The following PTGER4 variants were observed in gnomAD, a reference collection of about 807,000 sequenced individuals.
PTGER4 encodes the protein prostaglandin E2 receptor EP4 subtype.
In PTGER4, 11 loss-of-function variants were observed where a neutral mutation model predicts 33.2. The ratio of observed to expected loss-of-function variants is 0.33; its 90% CI spans 0.21 to 0.55. PTGER4 has a LOEUF of 0.55. PTGER4 is among the 20% of genes least tolerant of loss of function. The probability of loss-of-function intolerance (pLI) is 0.92; values close to 1 mark genes in which losing one functional copy is unlikely to be tolerated. For synonymous variants in PTGER4, 275 were observed against 281.5 expected (o/e 0.98, Z 0.23); for missense variants, 481 against 650.2 (o/e 0.74, Z 2.83).
chr5:40,691,901 C>T lies in PTGER4; in HGVS notation c.990C>T (p.Ile330=), dbSNP rs529208213. ...CCATCCTAGACCCCTGGATATATATCCTCCTGAGAAAGACAGTGCTCAGTA... is the reference window on the plus strand; with the variant it reads ...CCATCCTAGACCCCTGGATATATATTCTCCTGAGAAAGACAGTGCTCAGTA... ...VNPILDPWIY[I]LLRKTVLSKA... is the part of the protein sequence containing the mutation. The change falls in exon 3 of 3, where the codon ATC becomes ATT. Residue 330 remains isoleucine, a synonymous_variant. Transcript: ENST00000302472. This position sits in a 1 kb window ranked among gnomAD's most constrained non-coding sequence, Gnocchi z 4.2. 2.8e-5 allele frequency: 46 copies of T among 1,614,122 alleles called. No homozygotes were observed. The highest frequency in any genetic ancestry group is 2.5e-5 in the Non-Finnish European group (30 of 1,180,056).
the PTGER4 span, chr5:40,714,839 A>C: frequency 6.6e-6 from 1 of 152,280 alleles, no homozygotes; most frequent in East Asian, 1.9e-4. Flanking sequence ...CTTTAACATA[A>C]AGTGGGCTAC....
At chr5:40,696,720 C>A, downstream of PTGER4, 1 of 981,208 alleles carries the variant, frequency 1.0e-6, no homozygotes, top group Non-Finnish European at 1.2e-6. Flanking sequence ...TTCCTAAGAA[C>A]GTTTAACCAC....
At chr5:40,706,743 A>C in the PTGER4 span, among the ~76,000 whole-genome samples, 1 of 152,058 alleles carries the variant, frequency 6.6e-6, no homozygotes, top group Non-Finnish European at 1.5e-5. Flanking sequence ...TGCTCTTTAA[A>C]AGGTATCATT....
chr5:40,709,864 G>A, the PTGER4 span, among the ~76,000 whole-genome samples: 2 of 152,228 alleles, frequency 1.3e-5, no homozygotes, highest in African/African-American at 4.8e-5. Context: ...GGGAAAACTG[G>A]CTAGCCATAT....
chr5:40,707,090 G>A, the PTGER4 span, among the ~76,000 whole-genome samples: 2 of 152,142 alleles, frequency 1.3e-5, no homozygotes, highest in Non-Finnish European at 2.9e-5. Flanking sequence ...AAATTGTAAA[G>A]ACCATCAAGG....
At chr5:40,744,837 C>CA in the PTGER4 span, among the ~76,000 whole-genome samples, 1 of 152,132 alleles carries the variant, frequency 6.6e-6, no homozygotes, top group Admixed American at 6.6e-5. Flanking sequence ...CCAAACACAG[C>CA]AAAGAGACAG....
At chr5:40,697,043 G>C (rs1741597628), downstream of PTGER4, among the ~76,000 whole-genome samples, 1 of 128,898 alleles carries the variant, frequency 7.8e-6, no homozygotes. Context: ...AGGAAAGAAA[G>C]GAAGGAAGGA....
downstream of PTGER4, among the ~76,000 whole-genome samples, chr5:40,695,627 A>C (rs1018584327): frequency 2.0e-5 from 3 of 151,704 alleles, no homozygotes; most frequent in African/African-American, 7.3e-5. Flanking sequence ...CAGGAGAATC[A>C]CTTGAACCCA....
intron 2 of PTGER4, among the ~76,000 whole-genome samples, chr5:40,685,867 AT>A (rs750195618): frequency 6.6e-6 from 1 of 151,904 alleles, no homozygotes; most frequent in African/African-American, 2.4e-5. Context: ...TCCTAACAAG[AT>A]TTTTTTTCTC....
the PTGER4 span, among the ~76,000 whole-genome samples, chr5:40,724,407 G>A: frequency 1.3e-5 from 2 of 152,090 alleles, no homozygotes; most frequent in Non-Finnish European, 2.9e-5. Flanking sequence ...GGCTGAGGCA[G>A]GAGGATCATG....
the PTGER4 span, among the ~76,000 whole-genome samples, chr5:40,711,235 AT>A: frequency 1.3e-5 from 2 of 152,106 alleles, no homozygotes; most frequent in Non-Finnish European, 2.9e-5. Context: ...TGGGCAAAAT[AT>A]TTGAAAAGTT....
downstream of PTGER4, among the ~76,000 whole-genome samples, chr5:40,697,187 GAAAGAAAGA>G (rs1464203739): frequency 3.0e-5 from 4 of 132,288 alleles, no homozygotes; most frequent in Non-Finnish European, 3.2e-5. Context: ...GAAAAATTAA[GAAAGAAAGA>G]AAAGAAAGAA....
the PTGER4 span, among the ~76,000 whole-genome samples, chr5:40,711,245 T>C: frequency 6.6e-6 from 1 of 152,034 alleles, no homozygotes; most frequent in South Asian, 2.1e-4. Flanking sequence ...ATTTGAAAAG[T>C]TACTTTCCAA....
At chr5:40,701,811 C>G in the PTGER4 span, among the ~76,000 whole-genome samples, 1 of 152,048 alleles carries the variant, frequency 6.6e-6, no homozygotes, top group Non-Finnish European at 1.5e-5. Context: ...AAAGGGATCC[C>G]CATCAGGCTA....
the PTGER4 span, among the ~76,000 whole-genome samples, chr5:40,720,189 G>A: frequency 2.6e-5 from 4 of 152,212 alleles, no homozygotes; most frequent in East Asian, 7.7e-4. Flanking sequence ...TAGTTCTTAT[G>A]TTTAGGTCTT....
chr5:40,738,142 TG>T, the PTGER4 span, among the ~76,000 whole-genome samples: 3 of 152,186 alleles, frequency 2.0e-5, no homozygotes, highest in Non-Finnish European at 4.4e-5. Flanking sequence ...CCAGGCACAG[TG>T]GCTCATGCCT....
intron 2 of PTGER4, among the ~76,000 whole-genome samples, chr5:40,687,080 T>C (rs1471085912): frequency 6.6e-6 from 1 of 152,112 alleles, no homozygotes; most frequent in Non-Finnish European, 1.5e-5. Context: ...GAGTTTCACT[T>C]TGTGGCCCAG....
downstream of PTGER4, among the ~76,000 whole-genome samples, chr5:40,695,644 G>A (rs146899989): frequency 9.6e-3 from 1,454 of 152,238 alleles, 26 homozygotes; most frequent in African/African-American, 0.033. Flanking sequence ...CCCAGGAGGC[G>A]GAGGTTGCAG....
Position 40,681,374 on chromosome 5 carries a change from C to T in PTGER4, c.381C>T (p.Tyr127=), listed in dbSNP as rs199737472. Reference sequence around the variant, plus strand: ...TGGCCATCAACCATGCCTATTTCTACAGCCACTACGTGGACAAGCGATTGG... The same window carrying T: ...TGGCCATCAACCATGCCTATTTCTATAGCCACTACGTGGACAAGCGATTGG... ...RYLAINHAYF[Y]SHYVDKRLAG... Residue 127 remains tyrosine (Y), a synonymous_variant, in exon 2 of 3, where the codon TAC becomes TAT. Transcript: ENST00000302472. This position sits in a 1 kb window ranked among gnomAD's most constrained non-coding sequence, Gnocchi z 9.8. The T allele has an allele frequency of 3.1e-6, 5 of 1,614,190 alleles. No homozygotes were observed. The highest frequency in any genetic ancestry group is 3.3e-4 in the Middle Eastern group (2 of 6,062).
Sources: gnomAD v4.1 joint callset for allele counts (sites outside exome capture counted in the v4.1 genomes callset) on GRCh38, gnomAD v4.1.1 for gene constraint, Gnocchi (gnomAD v3.1) non-coding constraint, MANE v1.5 for transcripts, NCBI Gene and HGNC (gene_info 2026-07-23, HGNC 2026-07-21) for gene names.